Variants in NTMT1 observed in about 807,000 individuals in gnomAD.
The protein encoded by NTMT1 is N-terminal Xaa-Pro-Lys N-methyltransferase 1.
NTMT1 carries 8 observed loss-of-function variants against 17.5 expected under a neutral mutation model. The ratio of observed to expected loss-of-function variants is 0.46; its 90% CI spans 0.27 to 0.82. The LOEUF is 0.82. NTMT1 is among the 40% of genes least tolerant of loss of function. The pLI is 0.15. For synonymous variants in NTMT1, 128 were observed against 126.8 expected (o/e 1.01, Z -0.06); for missense variants, 221 against 303.5 (o/e 0.73, Z 2.02).
rs1272133130 is a variant in NTMT1, at chr9:129,635,860, A to T, written c.*396A>T. 6 of 221,692 alleles carry T rather than the reference A, an allele frequency of 2.7e-5. No individual in the cohort carries two copies. Among genetic ancestry groups the T allele is most frequent in the Non-Finnish European group, 3.6e-5 (4 of 109,974 alleles). 13.7% of individuals were successfully genotyped at this position (221,692 alleles called of 1,614,324 possible). On this transcript the variant is annotated 3_prime_UTR_variant, in exon 4 of 4. Coordinates refer to ENST00000372483, the MANE Select transcript of NTMT1 (RefSeq NM_014064.4). ...ACCACCCCCAACTTGGTTGCTGGGG[A>T]CTTGAAGACTTCAGTGTGATCTTTA...
At chr9:129,616,674 A>C (rs909936664) in intron 1 of NTMT1, among the ~76,000 whole-genome samples, 3 of 152,196 alleles carry the variant, frequency 2.0e-5, no homozygotes, top group African/African-American at 7.2e-5. Flanking sequence ...GTGAGTATCA[A>C]ATGATTTACA....
Position 129,620,739 on chromosome 9 carries a change from G to C in NTMT1, c.-55+11561G>C. Reference sequence around the variant, plus strand: ...CGGCGGACAGCGAGTGGCTTCAGGCGAGAGCTCCCAGAGCCTCTGTTTCCT... The same window carrying C: ...CGGCGGACAGCGAGTGGCTTCAGGCCAGAGCTCCCAGAGCCTCTGTTTCCT... On this transcript the variant is annotated intron_variant, in intron 1 of 3. Coordinates refer to the NTMT1 transcript ENST00000372486. The surrounding 1 kb of genome is among the most constrained non-coding windows in gnomAD (Gnocchi z 5.8). The C allele has an allele frequency of 1.8e-6, 1 of 555,568 alleles. No homozygotes were observed. Among genetic ancestry groups the C allele is most frequent in the Non-Finnish European group, 2.7e-6 (1 of 370,972 alleles). 34.4% of individuals were successfully genotyped at this position (555,568 alleles called of 1,614,324 possible).
upstream of NTMT1, among the ~76,000 whole-genome samples, chr9:129,625,691 C>A (rs1375049060): frequency 1.3e-5 from 2 of 151,582 alleles, no homozygotes; most frequent in Non-Finnish European, 2.9e-5. Context: ...CAGGGTGAGA[C>A]CCCGTCTCTA....
chr9:129,628,988 T>A (rs1414792511), intron 1 of NTMT1, among the ~76,000 whole-genome samples: 1 of 152,158 alleles, frequency 6.6e-6, no homozygotes, highest in Non-Finnish European at 1.5e-5. Context: ...TAGTAGTTCG[T>A]TTTTTAACCT....
At position 129,620,648 on chromosome 9, in the gene NTMT1, A is replaced by C; in HGVS notation, c.-55+11470A>C. ...GGGCGCCGGCTGAGGTGGGGAGGGC[A>C]TAGTCCAGCCCCAGGCCATAGTGCC... On this transcript the variant is annotated intron_variant, in intron 1 of 3. Coordinates refer to the NTMT1 transcript ENST00000372486. The surrounding 1 kb of genome is among the most constrained non-coding windows in gnomAD (Gnocchi z 5.8). The C allele has an allele frequency of 8.1e-7, 1 of 1,233,762 alleles. No homozygotes were observed. Among genetic ancestry groups the C allele is most frequent in the Non-Finnish European group, 1.0e-6 (1 of 978,758 alleles). The allele number at this position is 1,233,762 out of a possible 1,614,324, so 76.4% of individuals were successfully genotyped here.
In NTMT1 at chr9:129,614,100, GC is replaced by G. The variant is rs1342812231; in HGVS notation, c.-55+4924del. Among the ~76,000 whole-genome samples, 3 of 152,164 alleles carry G rather than the reference GC, an allele frequency of 2.0e-5. No individual in the cohort carries two copies. The highest frequency in any genetic ancestry group is 4.4e-5 in the Non-Finnish European group (3 of 68,028). On this transcript the variant is annotated intron_variant, in intron 1 of 3. Coordinates refer to the NTMT1 transcript ENST00000372486. This position sits in a 1 kb window ranked among gnomAD's most constrained non-coding sequence, Gnocchi z 4.4. ...CGGGACACCATGATAGCTCCTTATG[GC>G]CAGTGGCTGACACGGAATCATCTCC...
chr9:129,634,176 C>T lies in NTMT1; in HGVS notation c.285C>T (p.Asp95=). The T allele has an allele frequency of 6.2e-7, 1 of 1,614,186 alleles. No individual in the cohort carries two copies. Among genetic ancestry groups the T allele is most frequent in the South Asian group, 1.1e-5 (1 of 91,084 alleles). The part of the protein sequence containing the change: ...REVDMVDITE[D]FLVQAKTYLG... ...TGGATATGGTCGACATAACGGAGGA[C>T]TTCCTGGTTCAAGCCAAGACCTACC... The change falls in exon 3 of 4, where the codon GAC becomes GAT. Residue 95 remains aspartate, a synonymous_variant. Coordinates refer to ENST00000372483, the MANE Select transcript of NTMT1 (RefSeq NM_014064.4).
At chr9:129,628,929 C>T (rs1006326546) in intron 1 of NTMT1, among the ~76,000 whole-genome samples, 1 of 152,188 alleles carries the variant, frequency 6.6e-6, no homozygotes, top group Non-Finnish European at 1.5e-5. Flanking sequence ...GGCTTGCTCT[C>T]GCCATGGTCC....
chr9:129,630,670 G>A (rs1831115246), intron 1 of NTMT1, among the ~76,000 whole-genome samples: 1 of 152,210 alleles, frequency 6.6e-6, no homozygotes, highest in East Asian at 1.9e-4. Flanking sequence ...CAGGAGTCAG[G>A]CAGACGGTCT....
chr9:129,634,361 T>TC (rs1281341489), intron 3 of NTMT1, 55 bp downstream of exon 3: 24 of 1,545,272 alleles, frequency 1.6e-5, no homozygotes, highest in Non-Finnish European at 2.0e-5. Flanking sequence ...CCACTCGCGT[T>TC]CCCCATAAGG....
chr9:129,630,259 A>T (rs1208522267), intron 1 of NTMT1, among the ~76,000 whole-genome samples: 3 of 152,064 alleles, frequency 2.0e-5, no homozygotes, highest in Non-Finnish European at 4.4e-5. Context: ...GATTGCTTGC[A>T]GCCAGGTGTT....
chr9:129,614,591 C>T lies in NTMT1; in HGVS notation c.-55+5413C>T, dbSNP rs1156486759. Among the ~76,000 whole-genome samples the T allele has an allele frequency of 6.6e-6, 1 of 152,148 alleles. No individual in the cohort carries two copies. Among genetic ancestry groups the T allele is most frequent in the African/African-American group, 2.4e-5 (1 of 41,424 alleles). Reference sequence around the variant, plus strand: ...GAACAGGGACTTCTCGCCTGCTTCTCGAGACACACTTCAGAAAATTCACTG... The same window carrying T: ...GAACAGGGACTTCTCGCCTGCTTCTTGAGACACACTTCAGAAAATTCACTG... On this transcript the variant is annotated intron_variant, in intron 1 of 3. Transcript: ENST00000372486. This position sits in a 1 kb window ranked among gnomAD's most constrained non-coding sequence, Gnocchi z 4.4.
At chr9:129,629,643 G>A (rs1273904473) in intron 1 of NTMT1, among the ~76,000 whole-genome samples, 2 of 152,146 alleles carry the variant, frequency 1.3e-5, no homozygotes, top group African/African-American at 2.4e-5. Flanking sequence ...GTCAGCTTGC[G>A]GGGAGGGTGT....
chr9:129,612,282 G>T, intron 1 of NTMT1: 1 of 1,370,264 alleles, frequency 7.3e-7, no homozygotes, highest in East Asian at 2.4e-5. Flanking sequence ...TTTATTTGTG[G>T]GGCAAGGAAG....
chr9:129,626,161 G>A (rs1830876327), upstream of NTMT1: 1 of 152,240 alleles, frequency 6.6e-6, no homozygotes, highest in South Asian at 2.1e-4. Context: ...GCGGACAAAG[G>A]CAGCGCGCGC....
At chr9:129,621,772 C>T (rs1434576130), upstream of NTMT1, among the ~76,000 whole-genome samples, 2 of 152,142 alleles carry the variant, frequency 1.3e-5, no homozygotes, top group East Asian at 3.9e-4. Context: ...CCCAACCACA[C>T]CCCACTCCCA....
At chr9:129,619,774 G>A (rs778056229) in intron 1 of NTMT1, 1 of 1,614,060 alleles carries the variant, frequency 6.2e-7, no homozygotes, top group Non-Finnish European at 8.5e-7. Flanking sequence ...TTGGGACACC[G>A]CGGAGACCCT....
intron 1 of NTMT1, among the ~76,000 whole-genome samples, chr9:129,629,905 GCC>G (rs1243429261): frequency 3.9e-5 from 6 of 151,956 alleles, no homozygotes; most frequent in African/African-American, 1.5e-4. Flanking sequence ...TTTGGGGCCA[GCC>G]TGGGCCACAT....
upstream of NTMT1, among the ~76,000 whole-genome samples, chr9:129,622,677 A>G (rs1443025353): frequency 6.6e-6 from 1 of 152,076 alleles, no homozygotes; most frequent in Non-Finnish European, 1.5e-5. Flanking sequence ...ACATGAGCTC[A>G]TGCTGACATC....
Sources: gnomAD v4.1 joint callset for allele counts (sites outside exome capture counted in the v4.1 genomes callset) on GRCh38, gnomAD v4.1.1 for gene constraint, Gnocchi (gnomAD v3.1) non-coding constraint, MANE v1.5 for transcripts, NCBI Gene and HGNC (gene_info 2026-07-23, HGNC 2026-07-21) for gene names.